TMCO4: variants seen among roughly 807,000 people sequenced by gnomAD.
The protein encoded by TMCO4 is transmembrane and coiled-coil domain-containing protein 4.
TMCO4 carries 58 observed loss-of-function variants against 64.7 expected under a neutral mutation model. That is an observed-to-expected ratio of 0.90 (90% CI 0.73 to 1.12). The LOEUF (loss-of-function observed/expected upper bound fraction) is 1.12. TMCO4 is among the 50% of genes most tolerant of loss of function. TMCO4 has a pLI of 0.00. For missense variants in TMCO4, 780 were observed against 825.9 expected, an observed-to-expected ratio of 0.94 and a Z score of 0.68; for synonymous variants, 325 against 346.1, an observed-to-expected ratio of 0.94 and a Z score of 0.68.
intron 13 of TMCO4, among the ~76,000 whole-genome samples, chr1:19,736,842 G>A (rs753708613): frequency 3.3e-5 from 5 of 152,172 alleles, no homozygotes; most frequent in African/African-American, 4.8e-5. Flanking sequence ...TAAAAGGGTC[G>A]TTGCAGATAT....
intron 2 of TMCO4, among the ~76,000 whole-genome samples, chr1:19,794,840 G>A (rs958839356): frequency 6.6e-6 from 1 of 152,166 alleles, no homozygotes; most frequent in African/African-American, 2.4e-5. Flanking sequence ...ATTCTGACAC[G>A]TTACAACACG....
intron 3 of TMCO4, among the ~76,000 whole-genome samples, chr1:19,781,107 G>A (rs548292817): frequency 4.6e-4 from 69 of 148,524 alleles, no homozygotes; most frequent in African/African-American, 1.6e-3. Context: ...ATCGCGCCAC[G>A]GCACTCCAGC....
chr1:19,755,545 T>G, intron 7 of TMCO4, 89 bp downstream of exon 7: 1 of 1,553,646 alleles, frequency 6.4e-7, no homozygotes, highest in Non-Finnish European at 8.7e-7. Context: ...CTACACCATC[T>G]CTTAAAGGGA....
chr1:19,775,972 AT>A (rs773307465), intron 4 of TMCO4, among the ~76,000 whole-genome samples: 3 of 152,146 alleles, frequency 2.0e-5, no homozygotes, highest in Non-Finnish European at 2.9e-5. Context: ...CTGTGGCATG[AT>A]CTCGACTCAC....
At chr1:19,774,744 C>A (rs1323708557) in intron 4 of TMCO4, among the ~76,000 whole-genome samples, 1 of 152,156 alleles carries the variant, frequency 6.6e-6, no homozygotes, top group South Asian at 2.1e-4. Flanking sequence ...GTGCTGAGAG[C>A]TTCGTACACC....
intron 3 of TMCO4, among the ~76,000 whole-genome samples, chr1:19,782,035 ATATGTCTTCCC>A (rs1309924941): frequency 1.3e-5 from 2 of 152,202 alleles, no homozygotes; most frequent in Non-Finnish European, 2.9e-5. Context: ...AAAGCTAAAC[ATATGTCTTCCC>A]TATGCTCTGG....
intron 13 of TMCO4, among the ~76,000 whole-genome samples, chr1:19,715,627 C>A (rs566164366): frequency 1.3e-5 from 2 of 152,342 alleles, no homozygotes; most frequent in South Asian, 2.1e-4. Context: ...CTGCCAAGTT[C>A]TGCACGAGCC....
At chr1:19,744,926 G>A (rs1205385862) in intron 10 of TMCO4, among the ~76,000 whole-genome samples, 1 of 152,128 alleles carries the variant, frequency 6.6e-6, no homozygotes, top group East Asian at 1.9e-4. Flanking sequence ...CCTAAGACCT[G>A]GTTCAGTATA....
intron 4 of TMCO4, among the ~76,000 whole-genome samples, chr1:19,775,951 T>G (rs1369631904): frequency 6.6e-6 from 1 of 152,248 alleles, no homozygotes; most frequent in East Asian, 1.9e-4. Flanking sequence ...AGTATCGCTC[T>G]GTCGCCCAGG....
intron 13 of TMCO4, among the ~76,000 whole-genome samples, chr1:19,724,311 C>T (rs946553746): frequency 4.9e-4 from 74 of 152,174 alleles, no homozygotes; most frequent in Non-Finnish European, 1.0e-3. Context: ...GCTGTTACAT[C>T]CACCATATAA....
chr1:19,736,317 CCT>C (rs909805962), intron 13 of TMCO4, among the ~76,000 whole-genome samples: 3 of 152,144 alleles, frequency 2.0e-5, no homozygotes, highest in African/African-American at 4.8e-5. Context: ...AACCCACCCC[CCT>C]GATTCAATTA....
intron 13 of TMCO4, among the ~76,000 whole-genome samples, chr1:19,724,422 G>A (rs1326237352): frequency 2.0e-5 from 3 of 152,156 alleles, no homozygotes; most frequent in South Asian, 2.1e-4. Context: ...GCTAGGTGCC[G>A]ATGACAGAGG....
chr1:19,785,416 G>C (rs143010834), intron 3 of TMCO4, among the ~76,000 whole-genome samples: 7 of 152,000 alleles, frequency 4.6e-5, no homozygotes, highest in Non-Finnish European at 1.0e-4. Flanking sequence ...CTGTGTGTAC[G>C]AGGCAGTTCC....
chr1:19,721,238 A>G (rs1276407932), intron 13 of TMCO4, among the ~76,000 whole-genome samples: 2 of 152,208 alleles, frequency 1.3e-5, no homozygotes, highest in African/African-American at 4.8e-5. Context: ...TCAGACAGCC[A>G]TCAGGGCTCA....
intron 14 of TMCO4, among the ~76,000 whole-genome samples, chr1:19,697,034 T>C (rs1456868766): frequency 6.6e-6 from 1 of 152,238 alleles, no homozygotes; most frequent in African/African-American, 2.4e-5. Flanking sequence ...ATCTTAGCTT[T>C]CAGCATTGGC....
At chr1:19,731,525 C>T (rs1357447894) in intron 13 of TMCO4, among the ~76,000 whole-genome samples, 2 of 152,200 alleles carry the variant, frequency 1.3e-5, no homozygotes, top group African/African-American at 4.8e-5. Context: ...GGCCCTGACT[C>T]CAGAGCTCAC....
At chr1:19,705,779 A>G (rs1170886874) in intron 13 of TMCO4, among the ~76,000 whole-genome samples, 1 of 151,270 alleles carries the variant, frequency 6.6e-6, no homozygotes, top group Non-Finnish European at 1.5e-5. Context: ...CTGCTGTCAT[A>G]GCTGCTGGAA....
chr1:19,745,613 A>G lies in TMCO4; in HGVS notation c.796T>C (p.Phe266Leu). 6.2e-7 allele frequency: 1 copy of G among 1,613,860 alleles called. No individual in the cohort carries two copies. The highest frequency in any genetic ancestry group is 8.5e-7 in the Non-Finnish European group (1 of 1,179,914). Residue 266 changes from phenylalanine (F) to leucine (L), a missense_variant, in exon 10 of 16, where the codon TTC becomes CTC. Transcript: ENST00000294543. ...MKKRVGAIEE[F>L]TFLPLTEGRQ... ...CCCTCCGTCAGAGGCAGAAACGTGA[A>G]CTCTTCAATGGCTCCCACTCGCTTC... is the stretch of plus-strand genomic sequence containing the variant.
chr1:19,745,757 G>A (rs1242235407), intron 9 of TMCO4, 106 bp from the exon 10 acceptor site: 2 of 1,412,880 alleles, frequency 1.4e-6, no homozygotes, highest in Non-Finnish European at 1.9e-6. Context: ...CCATCTGTGT[G>A]CCCTGCCCCT....
Sources: allele counts gnomAD v4.1 joint callset (sites outside exome capture counted in the v4.1 genomes callset), GRCh38; gene constraint gnomAD v4.1.1; transcripts MANE v1.5; gene names NCBI Gene and HGNC (gene_info 2026-07-23, HGNC 2026-07-21).